The following LRP12 variants were observed in gnomAD, a reference collection of about 807,000 sequenced individuals.
The protein encoded by LRP12 is LDL receptor related protein 12.
LRP12 carries 14 observed loss-of-function variants against 66.0 expected under a neutral mutation model. That is an observed-to-expected ratio of 0.21 (90% CI 0.14 to 0.33). The LOEUF (loss-of-function observed/expected upper bound fraction) is 0.33. LRP12 is among the 10% of genes least tolerant of loss of function. The pLI is 1.00. For synonymous variants in LRP12, 357 were observed against 359.1 expected, an observed-to-expected ratio of 0.99 and a Z score of 0.07; for missense variants, 889 against 1,053.4, an observed-to-expected ratio of 0.84 and a Z score of 2.16.
intron 2 of LRP12, among the ~76,000 whole-genome samples, chr8:104,525,716 G>A (rs1811224363): frequency 6.6e-6 from 1 of 152,084 alleles, no homozygotes; most frequent in African/African-American, 2.4e-5. Context: ...CAAACCCACA[G>A]CCAATATCAT....
chr8:104,514,457 C>G (rs1021944616), intron 2 of LRP12, among the ~76,000 whole-genome samples: 1 of 151,402 alleles, frequency 6.6e-6, no homozygotes, highest in African/African-American at 2.4e-5. Context: ...GCATGTAATC[C>G]CAGCACTTTG....
chr8:104,548,289 AT>A (rs1564142045), intron 1 of LRP12, among the ~76,000 whole-genome samples: 32 of 73,000 alleles, frequency 4.4e-4, no homozygotes, highest in Admixed American at 7.1e-4. Flanking sequence ...TTAATATATC[AT>A]ATATTTATAT....
At chr8:104,539,467 T>C (rs956442629) in intron 1 of LRP12, among the ~76,000 whole-genome samples, 6 of 151,912 alleles carry the variant, frequency 3.9e-5, no homozygotes, top group Admixed American at 6.6e-5. Flanking sequence ...TCACAAATAT[T>C]TGAAATTATC....
Position 104,575,404 on chromosome 8 carries a change from T to A in LRP12, c.79+13415A>T, listed in dbSNP as rs368911363. 1.6e-4 allele frequency among the ~76,000 whole-genome samples: 24 copies of A among 152,070 alleles called. No individual in the cohort carries two copies. The South Asian group carries it at 1.7e-3, about 11-fold the overall frequency. ...CTCTGCCACAGGTGCTGCAAGTTGG[T>A]CCCCCAATCCAGCGCAGTGGATTTC... On this transcript the variant is annotated intron_variant, in intron 1 of 6. Coordinates refer to ENST00000276654, the MANE Select transcript of LRP12 (RefSeq NM_013437.5).
chr8:104,561,448 C>T (rs1375022034), intron 1 of LRP12, among the ~76,000 whole-genome samples: 1 of 152,200 alleles, frequency 6.6e-6, no homozygotes, highest in Admixed American at 6.5e-5. Flanking sequence ...CTGATGATCA[C>T]AGCCTGAATA....
intron 1 of LRP12, among the ~76,000 whole-genome samples, chr8:104,546,913 T>C (rs1321867972): frequency 2.2e-5 from 3 of 138,126 alleles, no homozygotes; most frequent in Non-Finnish European, 3.0e-5. Flanking sequence ...ATATATTATA[T>C]AATTATATAT....
intron 1 of LRP12, among the ~76,000 whole-genome samples, chr8:104,548,314 TA>T (rs1459692355): frequency 0.012 from 358 of 29,136 alleles, 45 homozygotes; most frequent in African/African-American, 0.067. Context: ...ATATATTATA[TA>T]AATATATAAT....
At chr8:104,502,790 A>G (rs1464363138) in intron 3 of LRP12, among the ~76,000 whole-genome samples, 1 of 151,910 alleles carries the variant, frequency 6.6e-6, no homozygotes, top group Non-Finnish European at 1.5e-5. Context: ...TGGTTTTAAA[A>G]TATCTTATCC....
chr8:104,497,799 C>T lies in LRP12; in HGVS notation c.753G>A (p.Glu251=), dbSNP rs1231942284. The T allele has an allele frequency of 3.1e-6, 5 of 1,614,174 alleles. No homozygotes were observed. The highest frequency in any genetic ancestry group is 2.2e-5 in the South Asian group (2 of 91,080). Residue 251 remains glutamate, a synonymous_variant, in exon 5 of 7, where the codon GAG becomes GAA. Transcript: ENST00000276654. The surrounding 1 kb of genome is among the most constrained non-coding windows in gnomAD (Gnocchi z 4.3). ...GNIDCLDLGD[E]IDCDVPTCGQ... ...CACATGTTGGCACATCACAGTCTAT[C>T]TCATCTCCTAGGTCAAGGCAGTCAA...
chr8:104,549,067 C>A (rs1361179257), intron 1 of LRP12, among the ~76,000 whole-genome samples: 1 of 152,152 alleles, frequency 6.6e-6, no homozygotes, highest in Non-Finnish European at 1.5e-5. Context: ...CTCTTTGCTT[C>A]AACTTCAGAC....
chr8:104,518,454 C>A (rs565518375), intron 2 of LRP12, among the ~76,000 whole-genome samples: 1 of 151,996 alleles, frequency 6.6e-6, no homozygotes, highest in Non-Finnish European at 1.5e-5. Flanking sequence ...TGCCCACTAA[C>A]GAACTCCCTA....
At chr8:104,537,128 G>A (rs983525127) in intron 1 of LRP12, among the ~76,000 whole-genome samples, 4 of 150,142 alleles carry the variant, frequency 2.7e-5, no homozygotes, top group African/African-American at 9.8e-5. Flanking sequence ...CCTGAGAAAA[G>A]GGAAACAAAT....
At chr8:104,547,301 T>C (rs1415805594) in intron 1 of LRP12, among the ~76,000 whole-genome samples, 1 of 139,922 alleles carries the variant, frequency 7.1e-6, no homozygotes, top group Non-Finnish European at 1.5e-5. Flanking sequence ...TCATATTTTG[T>C]ATATAATATA....
At chr8:104,533,638 T>A (rs543130313) in intron 1 of LRP12, among the ~76,000 whole-genome samples, 11 of 152,180 alleles carry the variant, frequency 7.2e-5, no homozygotes, top group African/African-American at 2.6e-4. Context: ...GTTTCCAGTA[T>A]CTGTAAGATA....
chr8:104,529,448 A>T (rs1343223854), intron 2 of LRP12, among the ~76,000 whole-genome samples: 2 of 152,216 alleles, frequency 1.3e-5, no homozygotes, highest in Non-Finnish European at 2.9e-5. Context: ...GAAAAAAAAG[A>T]TTAAAAAATG....
intron 1 of LRP12, among the ~76,000 whole-genome samples, chr8:104,587,201 A>G (rs554169250): frequency 6.6e-6 from 1 of 152,318 alleles, no homozygotes; most frequent in East Asian, 1.9e-4. Flanking sequence ...TTCAATGCTT[A>G]TTATAGTAGA....
chr8:104,560,531 G>A (rs1442862999), intron 1 of LRP12, among the ~76,000 whole-genome samples: 1 of 152,182 alleles, frequency 6.6e-6, no homozygotes, highest in African/African-American at 2.4e-5. Flanking sequence ...TGATGATACA[G>A]TATAAAGTAT....
chr8:104,531,810 T>C, intron 2 of LRP12, 97 bp downstream of exon 2: 1 of 793,838 alleles, frequency 1.3e-6, no homozygotes. Flanking sequence ...AGTAATAATT[T>C]TTATAGCCAA....
At chr8:104,564,828 G>A (rs1327478535) in intron 1 of LRP12, among the ~76,000 whole-genome samples, 4 of 151,988 alleles carry the variant, frequency 2.6e-5, no homozygotes. Context: ...AGCTACTAGG[G>A]AGGCTGAGGC....
Sources: gnomAD v4.1 joint callset for allele counts (sites outside exome capture counted in the v4.1 genomes callset) on GRCh38, gnomAD v4.1.1 for gene constraint, Gnocchi (gnomAD v3.1) non-coding constraint, MANE v1.5 for transcripts, NCBI Gene and HGNC (gene_info 2026-07-23, HGNC 2026-07-21) for gene names.